The following STXBP5L variants were observed in gnomAD, a reference collection of about 807,000 sequenced individuals.
The protein encoded by STXBP5L is syntaxin binding protein 5L, also known as syntaxin-binding protein 5-like.
A neutral mutation model predicts 144.5 loss-of-function variants in STXBP5L; 65 were observed. The observed-to-expected ratio is 0.45, with a 90% CI of 0.37 to 0.55. The LOEUF (loss-of-function observed/expected upper bound fraction) is 0.55. Ranked by LOEUF, STXBP5L falls within the 20% of genes least tolerant of loss-of-function variation. The pLI, the probability that STXBP5L is intolerant of heterozygous loss-of-function variation, is 0.00. For synonymous variants in STXBP5L, 505 were observed against 469.6 expected, an observed-to-expected ratio of 1.08 and a Z score of -0.97; for missense variants, 1,298 against 1,405.5, an observed-to-expected ratio of 0.92 and a Z score of 1.22.
intron 5 of STXBP5L, among the ~76,000 whole-genome samples, chr3:121,067,133 T>A (rs1376361849): frequency 6.6e-6 from 1 of 152,088 alleles, no homozygotes; most frequent in Non-Finnish European, 1.5e-5. Context: ...GAATTCTTGA[T>A]TTTTTTCAAA....
chr3:121,163,576 G>A (rs2046397331), intron 9 of STXBP5L, among the ~76,000 whole-genome samples: 1 of 151,894 alleles, frequency 6.6e-6, no homozygotes, highest in Admixed American at 6.6e-5. Flanking sequence ...ACATCCCAGA[G>A]CTTAAAATTT....
At chr3:121,297,976 A>G (rs1423223470) in intron 19 of STXBP5L, among the ~76,000 whole-genome samples, 10 of 152,222 alleles carry the variant, frequency 6.6e-5, no homozygotes, top group Admixed American at 5.2e-4. Context: ...CCTGTTTTCA[A>G]TTATTTTGGA....
intron 8 of STXBP5L, among the ~76,000 whole-genome samples, chr3:121,155,634 C>CT (rs1227898865): frequency 2.0e-5 from 3 of 151,470 alleles, no homozygotes; most frequent in Non-Finnish European, 4.4e-5. Context: ...GCCCCCCTCC[C>CT]TTTTTTTGAG....
chr3:121,409,815 G>A (rs1161014051), intron 23 of STXBP5L, among the ~76,000 whole-genome samples: 2 of 151,840 alleles, frequency 1.3e-5, no homozygotes, highest in African/African-American at 2.4e-5. Context: ...ATAGCCTAGA[G>A]AGCCTAAAAT....
At chr3:121,333,345 A>G (rs1362377458) in intron 20 of STXBP5L, among the ~76,000 whole-genome samples, 1 of 152,166 alleles carries the variant, frequency 6.6e-6, no homozygotes, top group Admixed American at 6.6e-5. Flanking sequence ...AAGATACAAC[A>G]TACCAGAATC....
chr3:120,959,800 C>A (rs192967367), intron 3 of STXBP5L, among the ~76,000 whole-genome samples: 6,052 of 152,194 alleles, frequency 0.04, 169 homozygotes, highest in Middle Eastern at 0.082. Context: ...ACCATAAAAA[C>A]CCTAGAAGAA....
chr3:121,013,089 A>G (rs775513579), intron 3 of STXBP5L, among the ~76,000 whole-genome samples: 85 of 151,756 alleles, frequency 5.6e-4, no homozygotes, highest in Non-Finnish European at 1.9e-4. Context: ...TCTTTATCCA[A>G]TCTATCATTG....
At chr3:121,087,755 C>T (rs2042568451) in intron 5 of STXBP5L, among the ~76,000 whole-genome samples, 1 of 151,522 alleles carries the variant, frequency 6.6e-6, no homozygotes, top group African/African-American at 2.4e-5. Flanking sequence ...TTTCCCCTTG[C>T]CTTTCTGTGG....
chr3:120,992,163 T>A (rs951917189), intron 3 of STXBP5L, among the ~76,000 whole-genome samples: 6 of 152,232 alleles, frequency 3.9e-5, no homozygotes, highest in South Asian at 2.1e-4. Flanking sequence ...TTATTTATTT[T>A]TAGATTGATT....
chr3:121,048,872 G>T (rs977734735), intron 5 of STXBP5L, among the ~76,000 whole-genome samples: 24 of 152,128 alleles, frequency 1.6e-4, no homozygotes, highest in African/African-American at 5.3e-4. Flanking sequence ...GTGAAGAGTA[G>T]TGGAGGCATG....
chr3:120,933,476 A>G (rs529691076), intron 2 of STXBP5L, among the ~76,000 whole-genome samples: 1 of 152,248 alleles, frequency 6.6e-6, no homozygotes, highest in East Asian at 1.9e-4. Context: ...AAATTGTGTG[A>G]TATAAGAAAA....
chr3:121,414,043 G>A (rs1204294203), intron 24 of STXBP5L, among the ~76,000 whole-genome samples: 2 of 152,092 alleles, frequency 1.3e-5, no homozygotes, highest in African/African-American at 4.8e-5. Flanking sequence ...TCAGAATTTA[G>A]TAAGAATTCA....
At chr3:121,043,850 C>T (rs1362808288) in intron 4 of STXBP5L, among the ~76,000 whole-genome samples, 2 of 152,186 alleles carry the variant, frequency 1.3e-5, no homozygotes, top group African/African-American at 4.8e-5. Context: ...ATGTAACTAT[C>T]TCTTGTAGAG....
At chr3:121,244,293 C>A (rs144825426) in intron 14 of STXBP5L, among the ~76,000 whole-genome samples, 123 of 151,494 alleles carry the variant, frequency 8.1e-4, no homozygotes, top group African/African-American at 2.9e-3. Context: ...AGAGTGTCAA[C>A]AACAGACTTG....
At chr3:121,306,173 C>T (rs2043332475) in intron 19 of STXBP5L, among the ~76,000 whole-genome samples, 1 of 152,078 alleles carries the variant, frequency 6.6e-6, no homozygotes, top group Admixed American at 6.6e-5. Flanking sequence ...CATATTTATT[C>T]AAGAAAATCT....
chr3:121,189,835 A>G (rs1237975188), intron 9 of STXBP5L, among the ~76,000 whole-genome samples: 1 of 152,176 alleles, frequency 6.6e-6, no homozygotes, highest in African/African-American at 2.4e-5. Context: ...GAATAAAATG[A>G]CCAACTTAAA....
At chr3:121,037,080 T>C (rs1171041573) in intron 3 of STXBP5L, among the ~76,000 whole-genome samples, 1 of 151,890 alleles carries the variant, frequency 6.6e-6, no homozygotes, top group African/African-American at 2.4e-5. Flanking sequence ...GCACACATTA[T>C]CATGCACAGC....
At chr3:121,171,080 A>G (rs949158055) in intron 9 of STXBP5L, among the ~76,000 whole-genome samples, 2 of 152,040 alleles carry the variant, frequency 1.3e-5, no homozygotes, top group African/African-American at 2.4e-5. Flanking sequence ...AACAGAATCA[A>G]TGAGAACAAC....
chr3:121,005,896 A>T (rs991470679), intron 3 of STXBP5L, among the ~76,000 whole-genome samples: 1 of 152,096 alleles, frequency 6.6e-6, no homozygotes, highest in African/African-American at 2.4e-5. Flanking sequence ...TTCTAGTTTG[A>T]TTGCACTGTG....
Sources: allele counts gnomAD v4.1 joint callset (sites outside exome capture counted in the v4.1 genomes callset), GRCh38; gene constraint gnomAD v4.1.1; transcripts MANE v1.5; gene names NCBI Gene and HGNC (gene_info 2026-07-23, HGNC 2026-07-21).